Variants in L3MBTL1 observed in about 807,000 individuals in gnomAD.
The protein encoded by L3MBTL1 is lethal(3)malignant brain tumor-like protein 1.
A neutral mutation model predicts 105.3 loss-of-function variants in L3MBTL1; 75 were observed. The ratio of observed to expected loss-of-function variants is 0.71; its 90% confidence interval spans 0.59 to 0.86. L3MBTL1 has a LOEUF of 0.86. L3MBTL1 is among the 40% of genes least tolerant of loss of function. The pLI is 0.00. For missense variants in L3MBTL1, 1,069 were observed against 1,126.4 expected, an observed-to-expected ratio of 0.95 and a Z score of 0.73; for synonymous variants, 452 against 436.2, an observed-to-expected ratio of 1.04 and a Z score of -0.45.
At chr20:43,526,444 C>T (rs1327325592) in intron 7 of L3MBTL1, among the ~76,000 whole-genome samples, 1 of 152,124 alleles carries the variant, frequency 6.6e-6, no homozygotes, top group Non-Finnish European at 1.5e-5. Flanking sequence ...AGTGGGAGAA[C>T]TGGAGGGTTT....
Position 43,522,456 on chromosome 20 carries a change from AGT to A in L3MBTL1, c.863-6200_863-6199del, listed in dbSNP as rs2018767910. On this transcript the variant is annotated intron_variant, in intron 7 of 21. Transcript: ENST00000418998. ...ATGGTAACTGAATTTTTCCCTGCTA[AGT>A]TTTTTTTTTTTTTTTTTTTTTTTTT... Among the ~76,000 whole-genome samples, 31 of 89,940 alleles carry A rather than the reference AGT, an allele frequency of 3.4e-4. 2 individuals carry two copies. Among genetic ancestry groups the A allele is most frequent in the Admixed American group, 5.7e-4 (4 of 6,976 alleles). 59.0% of individuals were successfully genotyped at this position (89,940 alleles called of 152,430 possible). A position where few individuals can be genotyped will look rare whatever the true frequency, so the allele number is the denominator to read the frequency against.
At chr20:43,523,764 C>A (rs1470172905) in intron 7 of L3MBTL1, among the ~76,000 whole-genome samples, 1 of 152,052 alleles carries the variant, frequency 6.6e-6, no homozygotes, top group Non-Finnish European at 1.5e-5. Flanking sequence ...GAGGCCAAGG[C>A]GGGCGAATTG....
chr20:43,510,402 CTTTCT>C (rs1474558206), intron 1 of L3MBTL1, among the ~76,000 whole-genome samples: 20 of 91,420 alleles, frequency 2.2e-4, no homozygotes, highest in East Asian at 1.7e-3. Flanking sequence ...TTCTTTCTTT[CTTTCT>C]TTTTTTTTTT....
downstream of L3MBTL1, among the ~76,000 whole-genome samples, chr20:43,542,106 A>G (rs2019942132): frequency 6.6e-6 from 1 of 152,204 alleles, no homozygotes; most frequent in African/African-American, 2.4e-5. Flanking sequence ...GCTACTCGGG[A>G]GGCTGAGGCA....
At chr20:43,522,931 G>A (rs914398661) in intron 7 of L3MBTL1, among the ~76,000 whole-genome samples, 3 of 150,778 alleles carry the variant, frequency 2.0e-5, no homozygotes, top group East Asian at 2.0e-4. Context: ...GGCGAACCCC[G>A]TCGCTAATAA....
At chr20:43,531,487 G>A (rs2019331884) in intron 11 of L3MBTL1, 1 of 152,548 alleles carries the variant, frequency 6.6e-6, no homozygotes, top group Admixed American at 6.5e-5. Flanking sequence ...GCTGAGGCGG[G>A]TGGATCACCT....
At chr20:43,510,458 G>A (rs2018103897) in intron 1 of L3MBTL1, among the ~76,000 whole-genome samples, 1 of 142,856 alleles carries the variant, frequency 7.0e-6, no homozygotes, top group African/African-American at 2.6e-5. Flanking sequence ...AGGCTGGAGT[G>A]CAGTGGCATG....
intron 10 of L3MBTL1, 137 bp from the exon 11 acceptor site, chr20:43,530,661 G>T (rs2019288654): frequency 2.3e-6 from 2 of 864,996 alleles, no homozygotes; most frequent in Admixed American, 2.2e-5. Flanking sequence ...CTTCAGTAGT[G>T]GGGAATCCCT....
Position 43,530,235 on chromosome 20 carries a change from G to A in L3MBTL1, c.1057-49G>A, listed in dbSNP as rs375197715. 3.7e-6 allele frequency: 6 copies of A among 1,612,154 alleles called. No homozygotes were observed. In the African/African-American group the frequency reaches 8.0e-5, roughly 22 times the overall value. On this transcript the variant is annotated intron_variant, in intron 9 of 21. Transcript: ENST00000418998. ...CCAGGAGAGGTGAGGCAGATGGGGAGTGGGGCATCTCCTGACATTGGAGTT... is the reference window on the plus strand; with the variant it reads ...CCAGGAGAGGTGAGGCAGATGGGGAATGGGGCATCTCCTGACATTGGAGTT...
chr20:43,545,329 T>A (rs1403303532), downstream of L3MBTL1, among the ~76,000 whole-genome samples: 1 of 150,298 alleles, frequency 6.7e-6, no homozygotes, highest in Non-Finnish European at 1.5e-5. Flanking sequence ...CATGCCACCG[T>A]ACTCCAGCCT....
intron 21 of L3MBTL1, 34 bp downstream of exon 21, chr20:43,540,849 G>A (rs778587833): frequency 2.2e-5 from 35 of 1,611,962 alleles, no homozygotes; most frequent in Admixed American, 5.0e-5. Flanking sequence ...AGACAGAGCC[G>A]GGGTCACTGT....
intron 9 of L3MBTL1, among the ~76,000 whole-genome samples, chr20:43,529,611 C>T (rs990305182): frequency 5.3e-5 from 8 of 152,118 alleles, no homozygotes; most frequent in African/African-American, 1.9e-4. Context: ...TCCCGAGGGC[C>T]AGGGATGTTG....
chr20:43,532,796 G>C lies in L3MBTL1; in HGVS notation c.1308G>C (p.Gln436His). ...QSHSPPPLGF[Q>H]VGMKLEAVDR... ...AGAGTCCCCCACCCCTGGGCTTCCA[G>C]GTGGGCATGAAGCTGGAGGCTGTTG... is the stretch of plus-strand genomic sequence containing the variant. The change falls in exon 12 of 22, where the codon CAG becomes CAC. Residue 436 changes from glutamine to histidine, a missense_variant. Physicochemically the swap from Gln to His is conservative, Grantham distance 24. Transcript: ENST00000418998. The C allele has an allele frequency of 6.2e-7, 1 of 1,614,252 alleles. No homozygotes were observed. Among genetic ancestry groups the C allele is most frequent in the African/African-American group, 1.3e-5 (1 of 75,074 alleles).
At chr20:43,528,964 T>C (rs942944983) in intron 8 of L3MBTL1, 7 of 604,908 alleles carry the variant, frequency 1.2e-5, no homozygotes, top group Non-Finnish European at 2.1e-5. Context: ...GGCTCACTCA[T>C]CACTGGGCCT....
At chr20:43,538,545 T>G (rs2019748028) in intron 19 of L3MBTL1, among the ~76,000 whole-genome samples, 1 of 152,134 alleles carries the variant, frequency 6.6e-6, no homozygotes, top group African/African-American at 2.4e-5. Context: ...TAGACCTCCT[T>G]AGTGTAGGCT....
chr20:43,542,611 C>CAAA (rs5841503), downstream of L3MBTL1, among the ~76,000 whole-genome samples: 1 of 112,666 alleles, frequency 8.9e-6, no homozygotes, highest in Non-Finnish European at 1.8e-5. Context: ...AAAAATTTAA[C>CAAA]AAAAAAAAAA....
At chr20:43,529,241 C>G in intron 8 of L3MBTL1, 23 bp from the exon 9 acceptor site, 1 of 1,572,906 alleles carries the variant, frequency 6.4e-7, no homozygotes, top group Non-Finnish European at 8.7e-7. Flanking sequence ...AAGCTGGGTC[C>G]TCTCCACTCT....
chr20:43,518,731 G>A (rs2018536227), intron 7 of L3MBTL1, among the ~76,000 whole-genome samples: 2 of 151,572 alleles, frequency 1.3e-5, no homozygotes, highest in South Asian at 2.1e-4. Context: ...CTTTAAGGCC[G>A]GGCACGGTGG....
At chr20:43,518,062 T>C in intron 7 of L3MBTL1, among the ~76,000 whole-genome samples, 1 of 152,200 alleles carries the variant, frequency 6.6e-6, no homozygotes. Context: ...AACATTCTTT[T>C]AGCTGGGTCC....
Sources: gnomAD v4.1 joint callset for allele counts (sites outside exome capture counted in the v4.1 genomes callset) on GRCh38, gnomAD v4.1.1 for gene constraint, MANE v1.5 for transcripts, NCBI Gene and HGNC (gene_info 2026-07-23, HGNC 2026-07-21) for gene names.